RASAL2: variants seen among roughly 807,000 people sequenced by gnomAD.
RASAL2 encodes RAS protein activator like 2.
A neutral mutation model predicts 128.9 loss-of-function variants in RASAL2; 58 were observed. The observed-to-expected ratio is 0.45, with a 90% CI of 0.36 to 0.56. The LOEUF (loss-of-function observed/expected upper bound fraction) is 0.56. RASAL2 is among the 20% of genes least tolerant of loss of function. The probability of loss-of-function intolerance (pLI) is 0.00; values close to 1 mark genes in which losing one functional copy is unlikely to be tolerated. For missense variants in RASAL2, 1,360 were observed against 1,601.6 expected (o/e 0.85, Z 2.57); for synonymous variants, 561 against 580.8 (o/e 0.97, Z 0.49).
chr1:178,173,412 A>T (rs1661771989), intron 1 of RASAL2, among the ~76,000 whole-genome samples: 1 of 152,146 alleles, frequency 6.6e-6, no homozygotes, highest in African/African-American at 2.4e-5. Flanking sequence ...TCACATTGTA[A>T]TGTACATCTA....
At chr1:178,456,207 A>T (rs1357170067) in intron 12 of RASAL2, among the ~76,000 whole-genome samples, 1 of 152,124 alleles carries the variant, frequency 6.6e-6, no homozygotes, top group Non-Finnish European at 1.5e-5. Context: ...GCCCTGCAGT[A>T]CTCTGGATTC....
intron 1 of RASAL2, among the ~76,000 whole-genome samples, chr1:178,118,223 A>G (rs1377727220): frequency 6.6e-6 from 1 of 151,958 alleles, no homozygotes; most frequent in African/African-American, 2.4e-5. Context: ...GTGGTTCTCA[A>G]CCTTTTTGGC....
At chr1:178,231,516 T>C (rs1664007008) in intron 1 of RASAL2, among the ~76,000 whole-genome samples, 1 of 152,240 alleles carries the variant, frequency 6.6e-6, no homozygotes, top group Non-Finnish European at 1.5e-5. Flanking sequence ...ATGTCTTCTA[T>C]TGAACAGAAG....
intron 4 of RASAL2, among the ~76,000 whole-genome samples, chr1:178,394,817 T>A (rs1673117955): frequency 1.3e-5 from 2 of 152,196 alleles, no homozygotes; most frequent in African/African-American, 4.8e-5. Context: ...CTGTGACACC[T>A]AAGCATTCCC....
chr1:178,437,071 G>A (rs115222155), intron 5 of RASAL2, among the ~76,000 whole-genome samples: 3,769 of 152,144 alleles, frequency 0.025, 62 homozygotes, highest in South Asian at 0.073. Context: ...CTGCCTTCCA[G>A]CTCTAATCTC....
intron 1 of RASAL2, among the ~76,000 whole-genome samples, chr1:178,150,477 C>T (rs1391694446): frequency 4.6e-5 from 7 of 152,158 alleles, no homozygotes; most frequent in South Asian, 4.2e-4. Flanking sequence ...TGATCCACTG[C>T]GCTCTTGGCC....
rs779128506 is a variant in RASAL2 at position 178,307,272 on chromosome 1, C to CT, written c.457+7158dup. 7.2e-5 allele frequency among the ~76,000 whole-genome samples: 11 copies of CT among 151,938 alleles called. No individual in the cohort carries two copies. In the East Asian group the frequency reaches 1.7e-3, roughly 24 times the overall value. On this transcript the variant is annotated intron_variant, in intron 3 of 17. Transcript: ENST00000367649. ...ATTTTTAAATAAAATATACTAATTA[C>CT]TTTTAAAAAAAAAATTTTTTTCCAC...
chr1:178,382,620 G>A (rs1020864421), intron 3 of RASAL2, among the ~76,000 whole-genome samples: 1 of 151,810 alleles, frequency 6.6e-6, no homozygotes, highest in Non-Finnish European at 1.5e-5. Context: ...GTAATACATG[G>A]GTGATAGTTC....
intron 3 of RASAL2, among the ~76,000 whole-genome samples, chr1:178,379,440 G>A (rs1310921708): frequency 5.3e-5 from 8 of 151,856 alleles, no homozygotes; most frequent in African/African-American, 1.7e-4. Context: ...AAGAAAGGAA[G>A]AGAGAAGAGA....
At chr1:178,118,435 T>A (rs779962735) in intron 1 of RASAL2, among the ~76,000 whole-genome samples, 3 of 152,196 alleles carry the variant, frequency 2.0e-5, no homozygotes, top group Admixed American at 6.5e-5. Flanking sequence ...CTAGATGGTC[T>A]CATCTGGGGG....
intron 1 of RASAL2, among the ~76,000 whole-genome samples, chr1:178,158,409 G>A (rs1661155853): frequency 6.6e-6 from 1 of 152,080 alleles, no homozygotes; most frequent in Non-Finnish European, 1.5e-5. Flanking sequence ...TTTATATGAA[G>A]CACCTAGCAC....
intron 1 of RASAL2, among the ~76,000 whole-genome samples, chr1:178,152,042 C>T (rs1660930580): frequency 6.6e-6 from 1 of 152,116 alleles, no homozygotes; most frequent in South Asian, 2.1e-4. Flanking sequence ...TTTGATTACA[C>T]CTAAATTTAT....
In RASAL2 at chr1:178,464,361, G is replaced by A; in HGVS notation, c.3336G>A (p.Glu1112=). ...AWVLNNGQYE[E]DVEETEQNLD... Reference sequence around the variant, plus strand: ...TTCTGAACAATGGGCAGTATGAAGAGGATGTGGAAGAAACTGAGCAAAATC... The same window carrying A: ...TTCTGAACAATGGGCAGTATGAAGAAGATGTGGAAGAAACTGAGCAAAATC... The change falls in exon 15 of 18, where the codon GAG becomes GAA. Residue 1112 remains glutamate, a synonymous_variant. Transcript: ENST00000367649. The A allele has an allele frequency of 6.2e-7, 1 of 1,613,852 alleles. No homozygotes were observed. Among genetic ancestry groups the A allele is most frequent in the Non-Finnish European group, 8.5e-7 (1 of 1,179,848 alleles).
intron 1 of RASAL2, among the ~76,000 whole-genome samples, chr1:178,112,114 G>A (rs73049369): frequency 0.014 from 2,188 of 152,242 alleles, 55 homozygotes; most frequent in African/African-American, 0.049. Context: ...TCAGATATGT[G>A]ATCTGTAATT....
At chr1:178,468,760 T>TA (rs1259639406) in intron 17 of RASAL2, among the ~76,000 whole-genome samples, 1 of 152,072 alleles carries the variant, frequency 6.6e-6, no homozygotes, top group East Asian at 1.9e-4. Context: ...GTAGGTGAGG[T>TA]AAGGGTAGTG....
rs145015287 is a variant in RASAL2 at position 178,245,260 on chromosome 1, A to G, written c.203-38304A>G. 9.5e-3 allele frequency among the ~76,000 whole-genome samples: 1,452 copies of G among 152,270 alleles called. 22 individuals carry two copies. Among genetic ancestry groups the G allele is most frequent in the African/African-American group, 0.033 (1,359 of 41,550 alleles). ...TCTGTTGTTTCCAGACTTTTTAATG[A>G]TCACCATTCTAACTGGCATGAGATG... On this transcript the variant is annotated intron_variant, in intron 1 of 17. Transcript: ENST00000367649.
At chr1:178,140,179 T>G (rs948036109) in intron 1 of RASAL2, among the ~76,000 whole-genome samples, 3 of 152,180 alleles carry the variant, frequency 2.0e-5, no homozygotes, top group African/African-American at 7.2e-5. Flanking sequence ...GTTTTTGTTT[T>G]TTAAAATAGA....
At chr1:178,169,989 C>T (rs1386413667) in intron 1 of RASAL2, among the ~76,000 whole-genome samples, 2 of 151,972 alleles carry the variant, frequency 1.3e-5, no homozygotes, top group Admixed American at 1.3e-4. Flanking sequence ...TTTATTTCCA[C>T]TTAATTTCTT....
chr1:178,221,253 C>G (rs1461479270), intron 1 of RASAL2, among the ~76,000 whole-genome samples: 1 of 152,030 alleles, frequency 6.6e-6, no homozygotes, highest in Non-Finnish European at 1.5e-5. Flanking sequence ...AGATTTTTGC[C>G]CATTTTTAAT....
Sources: gnomAD v4.1 joint callset for allele counts (sites outside exome capture counted in the v4.1 genomes callset) on GRCh38, gnomAD v4.1.1 for gene constraint, MANE v1.5 for transcripts, NCBI Gene and HGNC (gene_info 2026-07-23, HGNC 2026-07-21) for gene names.